PLS1: variants seen among roughly 807,000 people sequenced by gnomAD.
PLS1 encodes the protein plastin 1, also known as plastin-1.
PLS1 carries 32 observed loss-of-function variants against 73.7 expected under a neutral mutation model. The ratio of observed to expected loss-of-function variants is 0.43; its 90% CI spans 0.33 to 0.58. PLS1 has a LOEUF of 0.58. Ranked by LOEUF, PLS1 falls within the 20% of genes least tolerant of loss-of-function variation. The pLI, the probability that PLS1 is intolerant of heterozygous loss-of-function variation, is 0.04. For synonymous variants in PLS1, 217 were observed against 261.3 expected (o/e 0.83, Z 1.63); for missense variants, 633 against 740.5 (o/e 0.85, Z 1.68).
In PLS1 at chr3:142,694,466, T is replaced by C. The variant is rs762096263; in HGVS notation, c.1178-3T>C. ...CATCAGTGTGAGCTTGTGTCTACTC[T>C]AGGAGAGAGCAAGGAAGAGAGAACA... On this transcript the variant is annotated splice_region_variant and splice_polypyrimidine_tract_variant and intron_variant, in intron 10 of 15. Transcript: ENST00000457734. 2.9e-5 allele frequency: 46 copies of C among 1,587,384 alleles called. No homozygotes were observed. Among genetic ancestry groups the C allele is most frequent in the Middle Eastern group, 1.7e-4 (1 of 6,032 alleles).
At chr3:142,698,476 CA>C (rs2038259517) in intron 12 of PLS1, 2 of 150,986 alleles carry the variant, frequency 1.3e-5, no homozygotes, top group African/African-American at 4.9e-5. Context: ...AGTTGGTCCT[CA>C]GGAAAGCCTA....
At chr3:142,637,976 G>A (rs1410294575) in intron 1 of PLS1, among the ~76,000 whole-genome samples, 1 of 151,978 alleles carries the variant, frequency 6.6e-6, no homozygotes, top group Non-Finnish European at 1.5e-5. Context: ...GAAGAAGCTA[G>A]CCAGCGCCAT....
chr3:142,636,777 C>G (rs779281792), intron 1 of PLS1, among the ~76,000 whole-genome samples: 1 of 152,108 alleles, frequency 6.6e-6, no homozygotes, highest in African/African-American at 2.4e-5. Context: ...GGACACTTAA[C>G]CGAAGAAGAT....
chr3:142,632,924 T>G (rs908179687), intron 1 of PLS1, among the ~76,000 whole-genome samples: 1 of 152,170 alleles, frequency 6.6e-6, no homozygotes, highest in Non-Finnish European at 1.5e-5. Context: ...AACAGATATT[T>G]GCATATCCAT....
intron 1 of PLS1, among the ~76,000 whole-genome samples, chr3:142,623,904 G>T: frequency 6.6e-6 from 1 of 152,190 alleles, no homozygotes; most frequent in Admixed American, 6.6e-5. Context: ...TTCAGAAATG[G>T]ATATAAATTA....
intron 1 of PLS1, among the ~76,000 whole-genome samples, chr3:142,649,769 G>A (rs1041723017): frequency 1.3e-5 from 2 of 152,176 alleles, no homozygotes; most frequent in African/African-American, 4.8e-5. Flanking sequence ...GCTGATCAAT[G>A]TGGGAGCAAC....
chr3:142,600,783 A>T (rs182517253), intron 1 of PLS1, among the ~76,000 whole-genome samples: 71 of 149,702 alleles, frequency 4.7e-4, no homozygotes, highest in South Asian at 6.4e-4. Context: ...TCCATTAAAA[A>T]TGTCAAGGAG....
chr3:142,647,236 TTAAAAG>T, intron 1 of PLS1, among the ~76,000 whole-genome samples: 1 of 152,350 alleles, frequency 6.6e-6, no homozygotes. Context: ...CACTGAGAAA[TTAAAAG>T]TGATGTTGTT....
intron 1 of PLS1, among the ~76,000 whole-genome samples, chr3:142,613,407 G>C (rs2036158084): frequency 6.6e-6 from 1 of 152,160 alleles, no homozygotes. Context: ...AACCTGGGAG[G>C]TGGAGGTTGC....
rs530991394 is a variant in PLS1 at position 142,670,975 on chromosome 3, A to G, written c.235-18A>G. 7.7e-5 allele frequency: 119 copies of G among 1,538,006 alleles called. 2 individuals are homozygous for G. The South Asian group carries it at 1.3e-3, about 17-fold the overall frequency. ...TATTGATTATCTGATTCTCAATTTTACTTATGTTCCATTCCAGCTAATGCA... is the reference window on the plus strand; with the variant it reads ...TATTGATTATCTGATTCTCAATTTTGCTTATGTTCCATTCCAGCTAATGCA... On this transcript the variant is annotated intron_variant, in intron 3 of 15. Transcript: ENST00000457734.
At chr3:142,633,510 G>T (rs1262816544) in intron 1 of PLS1, among the ~76,000 whole-genome samples, 1 of 152,060 alleles carries the variant, frequency 6.6e-6, no homozygotes, top group Non-Finnish European at 1.5e-5. Flanking sequence ...ACAAAAATTA[G>T]CTGGGAGTGG....
chr3:142,684,009 A>C lies in PLS1; in HGVS notation c.583A>C (p.Asn195His), dbSNP rs940210908. 2 of 1,593,558 alleles carry C rather than the reference A, an allele frequency of 1.3e-6. No individual in the cohort carries two copies. The highest frequency in any genetic ancestry group is 1.7e-6 in the Non-Finnish European group (2 of 1,172,768). ...ACTTTTTTTTTTGGCAATTCAGGAA[A>C]ATTTAAACCTAGCTCTGAATTCTGC... ...KKLTPFTISE[N>H]LNLALNSASA... The change falls in exon 7 of 16, where the codon AAT becomes CAT. Residue 195 changes from asparagine (N) to histidine (H), a missense_variant. Coordinates refer to ENST00000457734, the MANE Select transcript of PLS1 (RefSeq NM_001145319.2).
At chr3:142,612,325 T>C (rs2036138333) in intron 1 of PLS1, among the ~76,000 whole-genome samples, 1 of 152,202 alleles carries the variant, frequency 6.6e-6, no homozygotes, top group African/African-American at 2.4e-5. Context: ...TACAGTGTAA[T>C]GATGTGTCCA....
chr3:142,644,580 T>G (rs1365523501), intron 1 of PLS1, among the ~76,000 whole-genome samples: 2 of 152,188 alleles, frequency 1.3e-5, no homozygotes, highest in Non-Finnish European at 2.9e-5. Flanking sequence ...TTTAAAGTCC[T>G]CTTTTGATGC....
chr3:142,652,550 C>G (rs921794484), intron 1 of PLS1, among the ~76,000 whole-genome samples: 1 of 152,200 alleles, frequency 6.6e-6, no homozygotes, highest in African/African-American at 2.4e-5. Flanking sequence ...ATTAGCGCAT[C>G]TATCTGAGTG....
intron 9 of PLS1, among the ~76,000 whole-genome samples, chr3:142,689,018 G>A (rs2038030843): frequency 6.6e-6 from 1 of 152,140 alleles, no homozygotes; most frequent in Non-Finnish European, 1.5e-5. Flanking sequence ...TATCTATAGT[G>A]CAACCAGTAG....
At chr3:142,600,811 G>A (rs2035899120) in intron 1 of PLS1, among the ~76,000 whole-genome samples, 1 of 140,526 alleles carries the variant, frequency 7.1e-6, no homozygotes, top group Admixed American at 7.5e-5. Context: ...GCAGTTGAGA[G>A]GAGAGACAGA....
intron 6 of PLS1, among the ~76,000 whole-genome samples, chr3:142,681,385 A>G (rs895917996): frequency 6.6e-6 from 1 of 152,170 alleles, no homozygotes; most frequent in Admixed American, 6.5e-5. Flanking sequence ...TAATCTGGCA[A>G]TTGCAACTGG....
In PLS1 at chr3:142,694,565, C is replaced by T. The variant is rs6789958; in HGVS notation, c.1256+18C>T. ...TTGTACAGGTAAATATTTTATTGTG[C>T]TTCAGCTTTACTGTCAGGGTCCAAC... is the stretch of plus-strand genomic sequence containing the variant. On this transcript the variant is annotated intron_variant, in intron 11 of 15. Coordinates refer to ENST00000457734, the MANE Select transcript of PLS1 (RefSeq NM_001145319.2). The T allele has an allele frequency of 0.63, 903,807 of 1,433,014 alleles. 291,768 individuals are homozygous for T. The highest frequency in any genetic ancestry group is 0.91 in the African/African-American group (64,596 of 70,860). The allele number at this position is 1,433,014 out of a possible 1,614,324, so 88.8% of individuals were successfully genotyped here. A position where few individuals can be genotyped will look rare whatever the true frequency, so the allele number is the denominator to read the frequency against.
Sources: allele counts gnomAD v4.1 joint callset (sites outside exome capture counted in the v4.1 genomes callset), GRCh38; gene constraint gnomAD v4.1.1; transcripts MANE v1.5; gene names NCBI Gene and HGNC (gene_info 2026-07-23, HGNC 2026-07-21).